The following ARMC2 variants were observed in gnomAD, a reference collection of about 807,000 sequenced individuals.
The protein encoded by ARMC2 is armadillo repeat containing 2.
Under a neutral mutation model 90.3 loss-of-function variants are expected in ARMC2, and 67 were observed. The observed-to-expected ratio is 0.74, with a 90% CI of 0.61 to 0.91. ARMC2 has a LOEUF of 0.91. Among genes scored for constraint, ARMC2 ranks in the 40% least tolerant of loss-of-function variants. The pLI, the probability that ARMC2 is intolerant of heterozygous loss-of-function variation, is 0.00. For synonymous variants in ARMC2, 393 were observed against 393.0 expected, an observed-to-expected ratio of 1.00 and a Z score of 0.00; for missense variants, 920 against 1,030.9, an observed-to-expected ratio of 0.89 and a Z score of 1.47.
intron 11 of ARMC2, 31 bp from the exon 12 acceptor site, chr6:108,936,869 A>G: frequency 6.6e-7 from 1 of 1,522,960 alleles, no homozygotes; most frequent in Non-Finnish European, 8.9e-7. Flanking sequence ...AACAAAGTTT[A>G]CCTTTATTTT....
the ARMC2 span, among the ~76,000 whole-genome samples, chr6:108,994,163 A>AAAAAAAAAAAAG: frequency 2.0e-5 from 3 of 147,086 alleles, no homozygotes; most frequent in Non-Finnish European, 3.0e-5. Flanking sequence ...AAAAAAAAAA[A>AAAAAAAAAAAAG]GAGAAAAAAG....
chr6:108,855,953 T>C (rs969349530), intron 2 of ARMC2, among the ~76,000 whole-genome samples: 3 of 152,242 alleles, frequency 2.0e-5, no homozygotes, highest in Non-Finnish European at 2.9e-5. Flanking sequence ...TGGATAACAA[T>C]TCATTATCTT....
intron 5 of ARMC2, among the ~76,000 whole-genome samples, chr6:108,879,717 G>A (rs142335595): frequency 6.6e-6 from 1 of 152,086 alleles, no homozygotes; most frequent in East Asian, 1.9e-4. Flanking sequence ...TTTGGAAATG[G>A]GATCTTTAGG....
intron 10 of ARMC2, among the ~76,000 whole-genome samples, chr6:108,926,421 T>A (rs1387415321): frequency 6.6e-6 from 1 of 152,210 alleles, no homozygotes; most frequent in Non-Finnish European, 1.5e-5. Flanking sequence ...GGTTCATTAG[T>A]CTTCACAAAA....
intron 12 of ARMC2, among the ~76,000 whole-genome samples, chr6:108,940,280 T>C (rs893064527): frequency 1.3e-5 from 2 of 152,046 alleles, no homozygotes; most frequent in African/African-American, 4.8e-5. Flanking sequence ...ATCAAGGACA[T>C]GGACACACAT....
the ARMC2 span, among the ~76,000 whole-genome samples, chr6:109,008,512 T>C: frequency 9.2e-5 from 14 of 152,334 alleles, no homozygotes; most frequent in East Asian, 1.5e-3. Flanking sequence ...TGAATATACA[T>C]AGTATACTGA....
the ARMC2 span, among the ~76,000 whole-genome samples, chr6:109,019,007 GAAAATAT>G: frequency 2.4e-4 from 36 of 152,136 alleles, no homozygotes; most frequent in East Asian, 3.9e-4. Context: ...CAAATTTTCT[GAAAATAT>G]AAAATATAAA....
At chr6:109,029,797 G>T in the ARMC2 span, among the ~76,000 whole-genome samples, 2 of 152,108 alleles carry the variant, frequency 1.3e-5, no homozygotes, top group Admixed American at 6.5e-5. Flanking sequence ...CTCCCAAAGT[G>T]CTGGGATTAT....
chr6:108,872,181 C>A (rs1211528687), intron 4 of ARMC2, among the ~76,000 whole-genome samples: 1 of 152,092 alleles, frequency 6.6e-6, no homozygotes, highest in Non-Finnish European at 1.5e-5. Flanking sequence ...CAGGCAGGGC[C>A]GGGGTGTGGT....
intron 17 of ARMC2, among the ~76,000 whole-genome samples, chr6:108,965,707 C>T (rs531942931): frequency 4.1e-4 from 62 of 152,078 alleles, no homozygotes; most frequent in Admixed American, 1.4e-3. Context: ...TACAGTGGTG[C>T]GATCACTGCT....
rs556870234 is a variant in ARMC2, at chr6:108,878,794, C to T, written c.671+2444C>T. ...TCATTTAAGGTCTGGCAGACTTGCT[C>T]CTCAGGAATACTTCACCATCACTTG... On this transcript the variant is annotated intron_variant, in intron 5 of 17. Coordinates refer to ENST00000392644, the MANE Select transcript of ARMC2 (RefSeq NM_032131.6). 9.8e-5 allele frequency among the ~76,000 whole-genome samples: 15 copies of T among 152,298 alleles called. No homozygotes were observed. The South Asian group carries it at 2.7e-3, about 27-fold the overall frequency.
chr6:108,854,929 C>G (rs564882955), intron 2 of ARMC2, among the ~76,000 whole-genome samples: 1 of 152,214 alleles, frequency 6.6e-6, no homozygotes, highest in African/African-American at 2.4e-5. Flanking sequence ...AACCACTGAT[C>G]TTTTTACTGT....
intron 12 of ARMC2, among the ~76,000 whole-genome samples, chr6:108,940,520 T>C (rs1329447819): frequency 2.0e-5 from 3 of 152,158 alleles, no homozygotes; most frequent in African/African-American, 4.8e-5. Context: ...AATCTTCTTA[T>C]TATACAAATG....
downstream of ARMC2, among the ~76,000 whole-genome samples, chr6:108,978,751 C>G (rs927904059): frequency 2.0e-5 from 3 of 151,974 alleles, no homozygotes; most frequent in Non-Finnish European, 4.4e-5. Flanking sequence ...TTAGGTAATG[C>G]CCTTCTTTGT....
chr6:108,859,324 G>A (rs909536036), intron 3 of ARMC2, among the ~76,000 whole-genome samples: 1 of 151,828 alleles, frequency 6.6e-6, no homozygotes, highest in Non-Finnish European at 1.5e-5. Flanking sequence ...CTGGGGAGAC[G>A]GCTTCTCCTT....
the ARMC2 span, among the ~76,000 whole-genome samples, chr6:109,046,980 C>T: frequency 8.4e-5 from 8 of 95,100 alleles, no homozygotes; most frequent in African/African-American, 2.4e-4. Flanking sequence ...CCACCCCGTC[C>T]GGGAGGGAGG....
At chr6:108,869,386 T>A (rs926287311) in intron 4 of ARMC2, among the ~76,000 whole-genome samples, 1 of 152,106 alleles carries the variant, frequency 6.6e-6, no homozygotes, top group African/African-American at 2.4e-5. Flanking sequence ...CACGTGCCTG[T>A]AATCCCAGCT....
At chr6:108,908,745 T>A (rs1773074091) in intron 8 of ARMC2, among the ~76,000 whole-genome samples, 1 of 151,738 alleles carries the variant, frequency 6.6e-6, no homozygotes, top group Admixed American at 6.6e-5. Flanking sequence ...AGCAAGACCC[T>A]GTCTCTGAAA....
At chr6:108,986,648 A>G in the ARMC2 span, 1 of 152,652 alleles carries the variant, frequency 6.6e-6, no homozygotes, top group South Asian at 2.1e-4. Flanking sequence ...CACAGCCTTT[A>G]AAGTGGGGAC....
Sources: gnomAD v4.1 joint callset for allele counts (sites outside exome capture counted in the v4.1 genomes callset) on GRCh38, gnomAD v4.1.1 for gene constraint, MANE v1.5 for transcripts, NCBI Gene and HGNC (gene_info 2026-07-23, HGNC 2026-07-21) for gene names.